Variants in TYRP1 observed in about 807,000 individuals in gnomAD.
TYRP1 encodes tyrosinase related protein 1.
A neutral mutation model predicts 42.8 loss-of-function variants in TYRP1; 49 were observed. The observed-to-expected ratio is 1.14, with a 90% CI of 0.91 to 1.45. The LOEUF is 1.45. TYRP1 is among the 40% of genes most tolerant of loss of function. The pLI is 0.00. For synonymous variants in TYRP1, 279 were observed against 235.4 expected (o/e 1.19, Z -1.69); for missense variants, 848 against 662.0 (o/e 1.28, Z -3.08).
intron 6 of TYRP1, among the ~76,000 whole-genome samples, chr9:12,705,488 C>A (rs571769404): frequency 6.6e-6 from 1 of 152,130 alleles, no homozygotes; most frequent in East Asian, 1.9e-4. Flanking sequence ...TGTGCAATAA[C>A]GTCCTCTAAT....
At chr9:12,694,439 A>T in intron 2 of TYRP1, 58 bp downstream of exon 2, 1 of 1,588,972 alleles carries the variant, frequency 6.3e-7, no homozygotes, top group Non-Finnish European at 8.6e-7. Context: ...GCTCTTAATA[A>T]AATCTTAAAT....
chr9:12,704,203 T>TATC (rs1372462374), intron 5 of TYRP1, among the ~76,000 whole-genome samples: 1 of 151,994 alleles, frequency 6.6e-6, no homozygotes, highest in East Asian at 1.9e-4. Context: ...AGATTTTCAC[T>TATC]ATCTTTATTC....
chr9:12,694,472 G>A (rs1818045306), intron 2 of TYRP1, 91 bp downstream of exon 2: 4 of 1,472,346 alleles, frequency 2.7e-6, no homozygotes, highest in African/African-American at 1.4e-5. Flanking sequence ...AGGAATACCT[G>A]GAAATCATAT....
rs1167521929 is a variant in TYRP1, at chr9:12,698,504, G to T, written c.762G>T (p.Gly254=). ...TTCCTTACTGGAATTTTGCAACGGG[G>T]AAAAATGTCTGTGATATCTGCACGG... The part of the protein sequence containing the change: ...FSLPYWNFAT[G]KNVCDICTDD... The change falls in exon 4 of 8, where the codon GGG becomes GGT. Residue 254 remains glycine (G), a synonymous_variant. Coordinates refer to ENST00000388918, the MANE Select transcript of TYRP1 (RefSeq NM_000550.3). 1.9e-6 allele frequency: 3 copies of T among 1,613,680 alleles called. No homozygotes were observed. The highest frequency in any genetic ancestry group is 2.5e-6 in the Non-Finnish European group (3 of 1,179,818).
At chr9:12,708,855 C>A (rs995995323) in intron 7 of TYRP1, 122 bp from the exon 8 acceptor site, 8 of 941,402 alleles carry the variant, frequency 8.5e-6, no homozygotes, top group Non-Finnish European at 1.3e-5. Context: ...GGCCATGTGG[C>A]CAATGTAAAT....
rs1428533344 is a variant in TYRP1, at chr9:12,709,721, CCAAT to C, written c.*543_*546del. ...TCAAATTAATGTTCCAGTTTGAAGA[CCAAT>C]CAAATATATTATTTAGTCAACATAT... On this transcript the variant is annotated 3_prime_UTR_variant, in exon 8 of 8. Transcript: ENST00000388918. 6.2e-6 allele frequency: 1 copy of C among 161,438 alleles called. No homozygotes were observed. The highest frequency in any genetic ancestry group is 2.4e-5 in the African/African-American group (1 of 41,424). 10.0% of individuals were successfully genotyped at this position (161,438 alleles called of 1,614,324 possible).
At chr9:12,705,894 G>A (rs1818250541) in intron 6 of TYRP1, among the ~76,000 whole-genome samples, 3 of 151,914 alleles carry the variant, frequency 2.0e-5, no homozygotes, top group Non-Finnish European at 2.9e-5. Context: ...ATTTTCATGT[G>A]TATTTATATA....
chr9:12,698,393 C>G, intron 3 of TYRP1, 58 bp from the exon 4 acceptor site: 2 of 1,521,174 alleles, frequency 1.3e-6, no homozygotes, highest in Admixed American at 1.7e-5. Context: ...GTAGACCAAA[C>G]AGAAATGAAT....
rs766207330 is a variant in TYRP1 at position 12,694,236 on chromosome 9, C to G, written c.240C>G (p.Pro80=). ...CCCGGCCCCACAGCCCTCAGTATCCCCATGATGGCAGAGATGATCGGGAGG... is the reference window on the plus strand; with the variant it reads ...CCCGGCCCCACAGCCCTCAGTATCCGCATGATGGCAGAGATGATCGGGAGG... The part of the protein sequence containing the change: ...ADSRPHSPQY[P]HDGRDDREVW... The change falls in exon 2 of 8, where the codon CCC becomes CCG. Residue 80 remains proline, a synonymous_variant. Coordinates refer to ENST00000388918, the MANE Select transcript of TYRP1 (RefSeq NM_000550.3). 6.2e-7 allele frequency: 1 copy of G among 1,613,826 alleles called. No homozygotes were observed. The highest frequency in any genetic ancestry group is 2.2e-5 in the East Asian group (1 of 44,804).
chr9:12,696,943 G>A lies in TYRP1; in HGVS notation c.708+1106G>A, dbSNP rs180855343. Among the ~76,000 whole-genome samples the A allele has an allele frequency of 2.2e-4, 34 of 151,692 alleles. 1 individual carries two copies. The East Asian group carries it at 3.7e-3, about 16-fold the overall frequency. ...CAGAATGCTGTGCCAGCATTATTCCGAGAAAAAATAAATGGTTAGAAGAGA... is the reference window on the plus strand; with the variant it reads ...CAGAATGCTGTGCCAGCATTATTCCAAGAAAAAATAAATGGTTAGAAGAGA... On this transcript the variant is annotated intron_variant, in intron 3 of 7. Coordinates refer to ENST00000388918, the MANE Select transcript of TYRP1 (RefSeq NM_000550.3).
intron 3 of TYRP1, among the ~76,000 whole-genome samples, chr9:12,697,159 C>T (rs1364710716): frequency 4.6e-5 from 7 of 152,036 alleles, no homozygotes; most frequent in African/African-American, 1.7e-4. Flanking sequence ...ATCTTCATGC[C>T]TTCAAGTCAT....
intron 6 of TYRP1, 127 bp from the exon 7 acceptor site, chr9:12,707,870 T>C: frequency 1.2e-6 from 1 of 863,928 alleles, no homozygotes; most frequent in South Asian, 1.9e-5. Flanking sequence ...CATATCTTTA[T>C]TCAGTGTAAA....
chr9:12,701,572 T>A (rs1818169359), intron 4 of TYRP1: 1 of 151,994 alleles, frequency 6.6e-6, no homozygotes, highest in African/African-American at 2.4e-5. Context: ...TATGGGGCTT[T>A]GTGTAAATCT....
chr9:12,703,909 GTATATA>G (rs1554648040), intron 5 of TYRP1, among the ~76,000 whole-genome samples: 2 of 121,536 alleles, frequency 1.6e-5, no homozygotes, highest in Non-Finnish European at 3.9e-5. Context: ...GTGTGTGTGT[GTATATA>G]TGTGTGTGTA....
intron 7 of TYRP1, among the ~76,000 whole-genome samples, chr9:12,708,476 A>G (rs41304749): frequency 0.011 from 1,660 of 152,060 alleles, 28 homozygotes; most frequent in African/African-American, 0.038. Context: ...GAAGAGAATG[A>G]GTTTGAGCTT....
chr9:12,709,441 T>C lies in TYRP1; in HGVS notation c.*259T>C, dbSNP rs76349729. ...ATATTTAAGGATAGTGTGAAGATCT[T>C]TGGCATGATTTAAAGGTTGAGTATG... On this transcript the variant is annotated 3_prime_UTR_variant, in exon 8 of 8. Coordinates refer to ENST00000388918, the MANE Select transcript of TYRP1 (RefSeq NM_000550.3). 316 of 474,218 alleles carry C rather than the reference T, an allele frequency of 6.7e-4. 1 individual carries two copies. The highest frequency in any genetic ancestry group is 5.9e-3 in the African/African-American group (291 of 49,564). 29.4% of individuals were successfully genotyped at this position (474,218 alleles called of 1,614,324 possible).
intron 4 of TYRP1, among the ~76,000 whole-genome samples, chr9:12,700,921 T>A (rs965308932): frequency 2.0e-5 from 3 of 152,032 alleles, no homozygotes; most frequent in Admixed American, 6.6e-5. Context: ...TATTTAAATT[T>A]CATTATGCTA....
At chr9:12,697,270 AC>A (rs1247261834) in intron 3 of TYRP1, among the ~76,000 whole-genome samples, 3 of 152,146 alleles carry the variant, frequency 2.0e-5, no homozygotes, top group Non-Finnish European at 4.4e-5. Context: ...CATTTTAAAG[AC>A]CCAACAGCAC....
chr9:12,694,462 A>C, intron 2 of TYRP1, 81 bp downstream of exon 2: 1 of 1,522,582 alleles, frequency 6.6e-7, no homozygotes, highest in Non-Finnish European at 9.0e-7. Flanking sequence ...TTTGAGCTGG[A>C]GGAATACCTG....
Sources: allele counts gnomAD v4.1 joint callset (sites outside exome capture counted in the v4.1 genomes callset), GRCh38; gene constraint gnomAD v4.1.1; transcripts MANE v1.5; gene names NCBI Gene and HGNC (gene_info 2026-07-23, HGNC 2026-07-21).